Variants in CHRM3 observed in about 807,000 individuals in gnomAD.
The protein encoded by CHRM3 is cholinergic receptor muscarinic 3, also known as muscarinic acetylcholine receptor M3.
Under a neutral mutation model 41.8 loss-of-function variants are expected in CHRM3, and 11 were observed. The observed-to-expected ratio is 0.26, with a 90% CI of 0.17 to 0.44. The LOEUF is 0.44. Ranked by LOEUF, CHRM3 falls within the 20% of genes least tolerant of loss-of-function variation. CHRM3 has a pLI of 1.00. For synonymous variants in CHRM3, 297 were observed against 301.4 expected, an observed-to-expected ratio of 0.99 and a Z score of 0.15; for missense variants, 571 against 745.4, an observed-to-expected ratio of 0.77 and a Z score of 2.72.
At chr1:239,520,564 G>A (rs886473752) in intron 2 of CHRM3, among the ~76,000 whole-genome samples, 40 of 152,254 alleles carry the variant, frequency 2.6e-4, no homozygotes, top group African/African-American at 9.6e-4. Flanking sequence ...GCAGACGTCT[G>A]TGTTATGCTT....
At chr1:239,790,087 C>T (rs764292058) in intron 5 of CHRM3, among the ~76,000 whole-genome samples, 1 of 152,144 alleles carries the variant, frequency 6.6e-6, no homozygotes, top group Non-Finnish European at 1.5e-5. Flanking sequence ...ACTCAATGCC[C>T]GTACCCATTG....
At chr1:239,407,197 G>A (rs1196690809) in intron 1 of CHRM3, among the ~76,000 whole-genome samples, 1 of 151,988 alleles carries the variant, frequency 6.6e-6, no homozygotes, top group African/African-American at 2.4e-5. Context: ...TTCTGTTAGA[G>A]CTGTCCTCAA....
chr1:239,588,796 C>T (rs549750382), intron 3 of CHRM3, among the ~76,000 whole-genome samples: 21 of 152,226 alleles, frequency 1.4e-4, no homozygotes, highest in Non-Finnish European at 2.8e-4. Flanking sequence ...ATATGTAGAA[C>T]AGTGGAATGA....
intron 5 of CHRM3, among the ~76,000 whole-genome samples, chr1:239,782,465 C>T (rs753743905): frequency 1.3e-5 from 2 of 151,932 alleles, no homozygotes; most frequent in African/African-American, 2.4e-5. Flanking sequence ...TCTCCTCTCT[C>T]GATTATGATT....
intron 5 of CHRM3, among the ~76,000 whole-genome samples, chr1:239,690,775 G>A (rs1659638518): frequency 6.6e-6 from 1 of 151,882 alleles, no homozygotes; most frequent in Non-Finnish European, 1.5e-5. Context: ...AGTATTCCAA[G>A]AAATTCAGGA....
intron 5 of CHRM3, among the ~76,000 whole-genome samples, chr1:239,818,985 C>T (rs1191938651): frequency 6.6e-6 from 1 of 152,154 alleles, no homozygotes; most frequent in African/African-American, 2.4e-5. Context: ...ATACTGAACA[C>T]AAGTGGCTCC....
intron 4 of CHRM3, among the ~76,000 whole-genome samples, chr1:239,659,854 G>A (rs1673032029): frequency 6.6e-6 from 1 of 152,134 alleles, no homozygotes; most frequent in Non-Finnish European, 1.5e-5. Flanking sequence ...TTCAGTAATG[G>A]AGTTTGTCCT....
chr1:239,820,352 T>G (rs538289379), intron 5 of CHRM3, among the ~76,000 whole-genome samples: 1 of 152,228 alleles, frequency 6.6e-6, no homozygotes, highest in Admixed American at 6.5e-5. Context: ...AACAGACAGT[T>G]GTCTGGGGCA....
intron 6 of CHRM3, among the ~76,000 whole-genome samples, chr1:239,880,597 G>A (rs1034380291): frequency 6.6e-6 from 1 of 152,166 alleles, no homozygotes; most frequent in Non-Finnish European, 1.5e-5. Context: ...CTGGGCCAAA[G>A]TCATCCTCCT....
chr1:239,491,685 C>T (rs934678232), intron 1 of CHRM3, among the ~76,000 whole-genome samples: 2 of 152,192 alleles, frequency 1.3e-5, no homozygotes, highest in Non-Finnish European at 2.9e-5. Context: ...ACTTCATTTC[C>T]TCTGGATATG....
intron 5 of CHRM3, among the ~76,000 whole-genome samples, chr1:239,735,496 A>G (rs753510099): frequency 3.3e-5 from 5 of 152,140 alleles, no homozygotes; most frequent in African/African-American, 1.2e-4. Flanking sequence ...ATCGTTTTGA[A>G]TGTTTTTCTC....
At chr1:239,524,560 A>G (rs748474362) in intron 2 of CHRM3, among the ~76,000 whole-genome samples, 24 of 152,278 alleles carry the variant, frequency 1.6e-4, no homozygotes, top group Admixed American at 3.3e-4. Context: ...TAGAGGTTTC[A>G]TTGTTCTATA....
At chr1:239,515,253 T>C (rs1353170520) in intron 2 of CHRM3, among the ~76,000 whole-genome samples, 1 of 151,962 alleles carries the variant, frequency 6.6e-6, no homozygotes, top group Non-Finnish European at 1.5e-5. Context: ...TGTCTAAAAA[T>C]GCATGGGGAC....
intron 2 of CHRM3, among the ~76,000 whole-genome samples, chr1:239,494,546 T>G (rs1438016807): frequency 6.6e-6 from 1 of 152,160 alleles, no homozygotes; most frequent in African/African-American, 2.4e-5. Flanking sequence ...CTTTTATTTT[T>G]TGTTTATTTT....
At chr1:239,759,867 G>A (rs1274675913) in intron 5 of CHRM3, among the ~76,000 whole-genome samples, 1 of 152,112 alleles carries the variant, frequency 6.6e-6, no homozygotes, top group Admixed American at 6.6e-5. Context: ...CTTCCAAGAT[G>A]TCATGTCTTT....
At position 239,793,416 on chromosome 1, in the gene CHRM3, A is replaced by G. The variant is rs137963753; in HGVS notation, c.-146-33836A>G. Among the ~76,000 whole-genome samples, 691 of 152,332 alleles carry G rather than the reference A, an allele frequency of 4.5e-3. 1 individual carries two copies. The highest frequency in any genetic ancestry group is 8.8e-3 in the Admixed American group (135 of 15,300). On this transcript the variant is annotated intron_variant, in intron 5 of 6. Coordinates refer to ENST00000676153, the MANE Select transcript of CHRM3 (RefSeq NM_001375978.1). Reference sequence around the variant, plus strand: ...GGAACCATGCTTTGATTCTTTATCCAGTTACCACACTTCTAGAAAAGAGTG... The same window carrying G: ...GGAACCATGCTTTGATTCTTTATCCGGTTACCACACTTCTAGAAAAGAGTG...
intron 1 of CHRM3, among the ~76,000 whole-genome samples, chr1:239,395,306 A>G (rs1196534523): frequency 1.3e-5 from 2 of 152,102 alleles, no homozygotes; most frequent in Admixed American, 6.6e-5. Context: ...ACTTGGCTTC[A>G]GTAAGGAGCA....
chr1:239,646,402 T>G (rs1366851480), intron 4 of CHRM3, among the ~76,000 whole-genome samples: 1 of 152,196 alleles, frequency 6.6e-6, no homozygotes, highest in East Asian at 1.9e-4. Context: ...GGATATAAGT[T>G]ATGTAACCAA....
At chr1:239,782,048 C>G (rs1668544561) in intron 5 of CHRM3, among the ~76,000 whole-genome samples, 2 of 151,984 alleles carry the variant, frequency 1.3e-5, no homozygotes, top group Non-Finnish European at 2.9e-5. Context: ...CATCTATGTT[C>G]TTAAGCAATA....
Sources: allele counts gnomAD v4.1 joint callset (sites outside exome capture counted in the v4.1 genomes callset), GRCh38; gene constraint gnomAD v4.1.1; transcripts MANE v1.5; gene names NCBI Gene and HGNC (gene_info 2026-07-23, HGNC 2026-07-21).